Variants in CACNA2D1 observed in about 807,000 individuals in gnomAD.
The protein encoded by CACNA2D1 is calcium voltage-gated channel auxiliary subunit alpha2delta 1, also known as voltage-dependent calcium channel subunit alpha-2/delta-1.
In CACNA2D1, 53 loss-of-function variants were observed where a neutral mutation model predicts 171.5. That is an observed-to-expected ratio of 0.31 (90% confidence interval 0.25 to 0.39). The LOEUF is 0.39. Among genes scored for constraint, CACNA2D1 ranks in the 10% least tolerant of loss-of-function variants. The probability of loss-of-function intolerance (pLI) is 1.00; values close to 1 mark genes in which losing one functional copy is unlikely to be tolerated. For missense variants in CACNA2D1, 903 were observed against 1,299.8 expected (o/e 0.69, Z 4.69); for synonymous variants, 442 against 443.1 (o/e 1.00, Z 0.03).
rs1797641588 is a variant in CACNA2D1, at chr7:81,992,449, G to GTGGCAGA, written c.1735-1210_1735-1204dup. ...GTGTGAGCATGTGTGGGGTGTATGTGTGGCAGATGGAGGGGGGAACAGGGT... is the reference window on the plus strand; with the variant it reads ...GTGTGAGCATGTGTGGGGTGTATGTGTGGCAGATGGCAGATGGAGGGGGGAACAGGGT... On this transcript the variant is annotated intron_variant, in intron 20 of 38. Coordinates refer to ENST00000356860, the MANE Select transcript of CACNA2D1 (RefSeq NM_000722.4). Among the ~76,000 whole-genome samples the GTGGCAGA allele has an allele frequency of 2.0e-5, 3 of 152,172 alleles. No homozygotes were observed. The South Asian group carries it at 6.2e-4, about 32-fold the overall frequency.
At chr7:82,029,061 AAG>A (rs1341309948) in intron 12 of CACNA2D1, 1 of 151,786 alleles carries the variant, frequency 6.6e-6, no homozygotes, top group African/African-American at 2.4e-5. Flanking sequence ...TTGTGAAAGG[AAG>A]AGTCAGTCAA....
intron 3 of CACNA2D1, among the ~76,000 whole-genome samples, chr7:82,276,240 C>A (rs903831654): frequency 6.6e-6 from 1 of 152,132 alleles, no homozygotes; most frequent in African/African-American, 2.4e-5. Flanking sequence ...TGGGGAATTT[C>A]CCAAGATATA....
chr7:82,374,060 C>T (rs954173440), intron 1 of CACNA2D1, among the ~76,000 whole-genome samples: 2 of 152,164 alleles, frequency 1.3e-5, no homozygotes, highest in Admixed American at 6.5e-5. Flanking sequence ...TCAGTCCGCA[C>T]GAAACCAGAC....
intron 5 of CACNA2D1, among the ~76,000 whole-genome samples, chr7:82,127,419 C>G (rs1790455456): frequency 6.6e-6 from 1 of 152,168 alleles, no homozygotes; most frequent in Admixed American, 6.5e-5. Context: ...AAAAGGTGAA[C>G]ACATCTTCAC....
At chr7:82,255,073 T>C (rs1806137895) in intron 3 of CACNA2D1, among the ~76,000 whole-genome samples, 1 of 152,224 alleles carries the variant, frequency 6.6e-6, no homozygotes, top group African/African-American at 2.4e-5. Flanking sequence ...TTCGGCTTCA[T>C]CTTATGCTGG....
intron 20 of CACNA2D1, among the ~76,000 whole-genome samples, chr7:81,994,169 G>A (rs1222939077): frequency 6.6e-6 from 1 of 152,012 alleles, no homozygotes; most frequent in African/African-American, 2.4e-5. Flanking sequence ...AAATTTCCAG[G>A]CTCAAAAGCT....
At chr7:82,179,353 G>A (rs984871859) in intron 3 of CACNA2D1, among the ~76,000 whole-genome samples, 1 of 152,106 alleles carries the variant, frequency 6.6e-6, no homozygotes, top group Admixed American at 6.6e-5. Flanking sequence ...AAACAGAAAA[G>A]AGGACCATTC....
intron 18 of CACNA2D1, among the ~76,000 whole-genome samples, chr7:82,003,783 T>C (rs1241864547): frequency 1.3e-5 from 2 of 151,230 alleles, no homozygotes; most frequent in African/African-American, 4.9e-5. Context: ...TCGCTCTTGT[T>C]GCCCAGGCTG....
At chr7:82,270,086 C>T (rs1404093699) in intron 3 of CACNA2D1, among the ~76,000 whole-genome samples, 1 of 152,156 alleles carries the variant, frequency 6.6e-6, no homozygotes, top group Non-Finnish European at 1.5e-5. Context: ...ATCTTGAATT[C>T]CAGCTTTATA....
intron 25 of CACNA2D1, among the ~76,000 whole-genome samples, chr7:81,972,234 A>G (rs1283993939): frequency 6.6e-6 from 1 of 151,372 alleles, no homozygotes; most frequent in Non-Finnish European, 1.5e-5. Flanking sequence ...TAATGTATAC[A>G]CACATAAAAT....
At chr7:82,105,052 T>C (rs1180789234) in intron 6 of CACNA2D1, among the ~76,000 whole-genome samples, 9 of 152,046 alleles carry the variant, frequency 5.9e-5, no homozygotes, top group Non-Finnish European at 1.3e-4. Flanking sequence ...ATAACTCCTC[T>C]AGAATTAAGT....
At chr7:82,436,212 A>T (rs1830107311) in intron 1 of CACNA2D1, among the ~76,000 whole-genome samples, 2 of 152,330 alleles carry the variant, frequency 1.3e-5, no homozygotes, top group African/African-American at 4.8e-5. Flanking sequence ...AGAAATATTT[A>T]AAAAGGCAAT....
At chr7:82,019,004 G>T in intron 12 of CACNA2D1, among the ~76,000 whole-genome samples, 1 of 146,870 alleles carries the variant, frequency 6.8e-6, no homozygotes, top group African/African-American at 2.5e-5. Context: ...GTGGGGGTGG[G>T]GTGGATGGGG....
At chr7:82,143,209 T>C (rs533238518) in intron 4 of CACNA2D1, among the ~76,000 whole-genome samples, 1 of 152,256 alleles carries the variant, frequency 6.6e-6, no homozygotes, top group East Asian at 1.9e-4. Flanking sequence ...AAAATAAAGA[T>C]GGACACAAGA....
chr7:82,170,988 TA>T (rs1006166550), intron 3 of CACNA2D1, among the ~76,000 whole-genome samples: 1 of 152,004 alleles, frequency 6.6e-6, no homozygotes, highest in African/African-American at 2.4e-5. Context: ...ACATTTCTCT[TA>T]AAAAATGACA....
At chr7:81,981,397 C>T (rs1796432561) in intron 24 of CACNA2D1, among the ~76,000 whole-genome samples, 1 of 152,138 alleles carries the variant, frequency 6.6e-6, no homozygotes, top group African/African-American at 2.4e-5. Flanking sequence ...AGAGAAGCTT[C>T]TCAAGGATAC....
intron 10 of CACNA2D1, chr7:82,051,163 A>T (rs552526488): frequency 6.5e-6 from 1 of 154,752 alleles, no homozygotes; most frequent in African/African-American, 2.4e-5. Context: ...ATTCAGAATT[A>T]TTGTTTATAT....
chr7:82,339,373 T>A (rs1420257225), intron 2 of CACNA2D1, among the ~76,000 whole-genome samples: 1 of 152,202 alleles, frequency 6.6e-6, no homozygotes, highest in East Asian at 1.9e-4. Flanking sequence ...TTTCCTTCCA[T>A]GGAAATTGTC....
chr7:82,271,974 T>A (rs1808697476), intron 3 of CACNA2D1, among the ~76,000 whole-genome samples: 1 of 152,032 alleles, frequency 6.6e-6, no homozygotes, highest in Non-Finnish European at 1.5e-5. Context: ...ATATTTATAA[T>A]CCTAGACAGT....
Sources: allele counts gnomAD v4.1 joint callset (sites outside exome capture counted in the v4.1 genomes callset), GRCh38; gene constraint gnomAD v4.1.1; transcripts MANE v1.5; gene names NCBI Gene and HGNC (gene_info 2026-07-23, HGNC 2026-07-21).